IL12RB2: variants seen among roughly 807,000 people sequenced by gnomAD.
IL12RB2 encodes the protein interleukin-12 receptor subunit beta-2.
In IL12RB2, 82 loss-of-function variants were observed where a neutral mutation model predicts 89.4. The observed-to-expected ratio is 0.92, with a 90% CI of 0.77 to 1.10. The LOEUF (loss-of-function observed/expected upper bound fraction) is 1.10, where lower values mean the gene tolerates loss of function less well. Ranked by LOEUF, IL12RB2 falls within the 50% of genes least tolerant of loss-of-function variation. IL12RB2 has a pLI of 0.00. For missense variants in IL12RB2, 963 were observed against 1,031.9 expected (o/e 0.93, Z 0.92); for synonymous variants, 368 against 370.1 (o/e 0.99, Z 0.07).
chr1:67,328,037 G>A (rs1297328367), intron 5 of IL12RB2, among the ~76,000 whole-genome samples, 163 bp from the exon 6 acceptor site: 5 of 152,194 alleles, frequency 3.3e-5, no homozygotes, highest in Admixed American at 6.5e-5. Flanking sequence ...AGTCTTACAT[G>A]ACCATATAGT....
At chr1:67,330,900 A>G in intron 8 of IL12RB2, 90 bp downstream of exon 8, 3 of 804,478 alleles carry the variant, frequency 3.7e-6, no homozygotes, top group South Asian at 1.4e-5. Flanking sequence ...TAGAATCTTT[A>G]AACTACTGGT....
chr1:67,359,747 C>T (rs1410717204), intron 10 of IL12RB2, among the ~76,000 whole-genome samples: 12 of 152,030 alleles, frequency 7.9e-5, no homozygotes, highest in African/African-American at 2.9e-4. Context: ...AGTGGTGATA[C>T]TTTCAGTTTC....
intron 9 of IL12RB2, among the ~76,000 whole-genome samples, chr1:67,346,733 C>A (rs1221038649): frequency 1.3e-5 from 2 of 152,054 alleles, no homozygotes; most frequent in African/African-American, 4.8e-5. Context: ...TTGCAAAAGG[C>A]AGTCATGAGT....
At chr1:67,359,884 G>T (rs1661803901) in intron 10 of IL12RB2, among the ~76,000 whole-genome samples, 1 of 151,854 alleles carries the variant, frequency 6.6e-6, no homozygotes, top group African/African-American at 2.4e-5. Context: ...GCAAGCCACT[G>T]CCCCGAAAAT....
At chr1:67,339,873 C>T (rs1659327045) in intron 9 of IL12RB2, among the ~76,000 whole-genome samples, 1 of 152,176 alleles carries the variant, frequency 6.6e-6, no homozygotes, top group Admixed American at 6.5e-5. Flanking sequence ...AAGGAAAATG[C>T]TGTGCGATTC....
chr1:67,319,186 A>G (rs1336191558), intron 2 of IL12RB2, among the ~76,000 whole-genome samples: 2 of 152,244 alleles, frequency 1.3e-5, no homozygotes, highest in Admixed American at 1.3e-4. Context: ...GTATGGGGTT[A>G]AGAGGTAAAC....
chr1:67,369,413 A>G (rs1663045546), intron 11 of IL12RB2, among the ~76,000 whole-genome samples: 1 of 152,236 alleles, frequency 6.6e-6, no homozygotes, highest in South Asian at 2.1e-4. Flanking sequence ...AGAAGTAGCT[A>G]TCAGCTCAAT....
At chr1:67,316,814 G>C (rs1159411536) in intron 2 of IL12RB2, among the ~76,000 whole-genome samples, 1 of 152,150 alleles carries the variant, frequency 6.6e-6, no homozygotes, top group Admixed American at 6.5e-5. Flanking sequence ...AAACGCCTTT[G>C]TTGACAAGTT....
At chr1:67,330,877 G>A in intron 8 of IL12RB2, 67 bp downstream of exon 8, 1 of 868,986 alleles carries the variant, frequency 1.2e-6, no homozygotes, top group South Asian at 1.3e-5. Flanking sequence ...AAGATGTAAT[G>A]ATTTCCTTGG....
chr1:67,357,247 G>A lies in IL12RB2; in HGVS notation c.1258+6158G>A, dbSNP rs371153314. On this transcript the variant is annotated intron_variant, in intron 10 of 16. Coordinates refer to ENST00000674203, the MANE Select transcript of IL12RB2 (RefSeq NM_001374259.2). ...AGAAAAATTAGCTGGGTGTGATGGC[G>A]CACACCTGTAATCCCAGCTACTCAG... Among the ~76,000 whole-genome samples, 16 of 152,122 alleles carry A rather than the reference G, an allele frequency of 1.1e-4. No homozygotes were observed. In the East Asian group the frequency reaches 1.4e-3, roughly 13 times the overall value.
At chr1:67,344,295 A>C (rs975127598) in intron 9 of IL12RB2, among the ~76,000 whole-genome samples, 1 of 151,984 alleles carries the variant, frequency 6.6e-6, no homozygotes, top group Non-Finnish European at 1.5e-5. Flanking sequence ...AATTTTAATA[A>C]TTTTTTTTCT....
chr1:67,319,163 G>A lies in IL12RB2; in HGVS notation c.-36-1170G>A, dbSNP rs994250333. Reference sequence around the variant, plus strand: ...TTTCTGAAGCTCTTCAATATTTTCTGGCATATGTCTAGGTATGGGGTTAAG... The same window carrying A: ...TTTCTGAAGCTCTTCAATATTTTCTAGCATATGTCTAGGTATGGGGTTAAG... On this transcript the variant is annotated intron_variant, in intron 2 of 16. Coordinates refer to ENST00000674203, the MANE Select transcript of IL12RB2 (RefSeq NM_001374259.2). Among the ~76,000 whole-genome samples the A allele has an allele frequency of 3.3e-5, 5 of 152,266 alleles. No homozygotes were observed. The East Asian group carries it at 9.7e-4, about 29-fold the overall frequency.
chr1:67,341,544 AAAG>A (rs1569907303), intron 9 of IL12RB2, among the ~76,000 whole-genome samples: 1 of 32,424 alleles, frequency 3.1e-5, no homozygotes, highest in African/African-American at 4.8e-5. Context: ...AGAAAGAAAG[AAAG>A]AAAGAAAGAA....
chr1:67,316,464 C>T (rs1263160188), intron 2 of IL12RB2, among the ~76,000 whole-genome samples: 1 of 129,290 alleles, frequency 7.7e-6, no homozygotes, highest in Non-Finnish European at 1.7e-5. Context: ...TAATGTCACT[C>T]GTAGCTCGTT....
chr1:67,334,304 A>G (rs760540383), intron 8 of IL12RB2, among the ~76,000 whole-genome samples: 1 of 152,212 alleles, frequency 6.6e-6, no homozygotes, highest in African/African-American at 2.4e-5. Flanking sequence ...AGATAGTAAT[A>G]TTTTCAGCTT....
At chr1:67,358,093 A>C (rs1661596272) in intron 10 of IL12RB2, among the ~76,000 whole-genome samples, 1 of 152,164 alleles carries the variant, frequency 6.6e-6, no homozygotes, top group African/African-American at 2.4e-5. Context: ...CCTTAAAGCC[A>C]AAGAAAAAAG....
chr1:67,386,264 C>G (rs906463052), intron 14 of IL12RB2, among the ~76,000 whole-genome samples: 14 of 144,970 alleles, frequency 9.7e-5, no homozygotes, highest in Admixed American at 2.1e-4. Flanking sequence ...ACAGATTACA[C>G]ATCTGCTAGC....
At chr1:67,346,314 G>A (rs1367034778) in intron 9 of IL12RB2, among the ~76,000 whole-genome samples, 1 of 151,908 alleles carries the variant, frequency 6.6e-6, no homozygotes, top group Non-Finnish European at 1.5e-5. Context: ...GGTGCTAGTG[G>A]GAAAATAGAT....
chr1:67,338,024 CAT>C (rs757900978), intron 8 of IL12RB2, among the ~76,000 whole-genome samples: 3 of 151,250 alleles, frequency 2.0e-5, no homozygotes, highest in Non-Finnish European at 4.4e-5. Context: ...TTTAATAACA[CAT>C]GTTTTAAGAG....
Sources: allele counts gnomAD v4.1 joint callset (sites outside exome capture counted in the v4.1 genomes callset), GRCh38; gene constraint gnomAD v4.1.1; transcripts MANE v1.5; gene names NCBI Gene and HGNC (gene_info 2026-07-23, HGNC 2026-07-21).